Variants in CNTNAP5 observed in about 807,000 individuals in gnomAD.
The protein encoded by CNTNAP5 is contactin associated protein family member 5.
CNTNAP5 carries 72 observed loss-of-function variants against 150.2 expected under a neutral mutation model. The observed-to-expected ratio is 0.48, with a 90% confidence interval of 0.40 to 0.58. The LOEUF is 0.58. CNTNAP5 is among the 20% of genes least tolerant of loss of function. CNTNAP5 has a pLI of 0.00. For synonymous variants in CNTNAP5, 672 were observed against 619.8 expected (o/e 1.08, Z -1.25); for missense variants, 1,636 against 1,626.2 (o/e 1.01, Z -0.10).
chr2:124,831,075 T>C (rs1022304876), intron 19 of CNTNAP5, among the ~76,000 whole-genome samples: 2 of 152,088 alleles, frequency 1.3e-5, no homozygotes, highest in African/African-American at 4.8e-5. Context: ...TTTGTTTTAA[T>C]ATATTTTAAT....
intron 3 of CNTNAP5, among the ~76,000 whole-genome samples, chr2:124,377,447 G>A (rs1363848178): frequency 6.6e-6 from 1 of 152,016 alleles, no homozygotes; most frequent in Non-Finnish European, 1.5e-5. Flanking sequence ...GCTGAGGTGG[G>A]CAGATCACCT....
chr2:124,316,846 A>AAAGAAAAG (rs1326592275), intron 3 of CNTNAP5, among the ~76,000 whole-genome samples: 3 of 151,566 alleles, frequency 2.0e-5, no homozygotes, highest in Non-Finnish European at 4.4e-5. Context: ...AAAAAAAAGA[A>AAAGAAAAG]AAGAAAAGAA....
chr2:124,238,336 T>A (rs1215150125), intron 2 of CNTNAP5, among the ~76,000 whole-genome samples: 1 of 152,110 alleles, frequency 6.6e-6, no homozygotes, highest in African/African-American at 2.4e-5. Context: ...TCATCTAGTG[T>A]GACATCAGGA....
In CNTNAP5 at chr2:124,484,730, T is replaced by TA. The variant is rs1573405342; in HGVS notation, c.1062+9848_1062+9849insA. Among the ~76,000 whole-genome samples the TA allele has an allele frequency of 5.9e-5, 9 of 152,224 alleles. No individual in the cohort carries two copies. The East Asian group carries it at 1.7e-3, about 29-fold the overall frequency. Reference sequence around the variant, plus strand: ...GAAGTACAACACTAAAGGTTATAGATCAGTGATTATTAGTATTTTATAGGG... The same window carrying TA: ...GAAGTACAACACTAAAGGTTATAGATACAGTGATTATTAGTATTTTATAGGG... On this transcript the variant is annotated intron_variant, in intron 7 of 23. Transcript: ENST00000682447.
intron 3 of CNTNAP5, among the ~76,000 whole-genome samples, chr2:124,298,287 C>T (rs539955288): frequency 1.5e-4 from 23 of 152,112 alleles, no homozygotes; most frequent in Non-Finnish European, 2.6e-4. Flanking sequence ...GTTCCCAGAC[C>T]GAACTGAGGG....
intron 13 of CNTNAP5, among the ~76,000 whole-genome samples, chr2:124,656,060 CAA>C (rs35504704): frequency 8.3e-4 from 102 of 123,402 alleles, no homozygotes; most frequent in Non-Finnish European, 8.8e-4. Context: ...GACTTTATCT[CAA>C]AAAAAAAAAA....
chr2:124,659,808 C>G (rs1239624294), intron 13 of CNTNAP5, among the ~76,000 whole-genome samples: 2 of 152,062 alleles, frequency 1.3e-5, no homozygotes, highest in Non-Finnish European at 2.9e-5. Flanking sequence ...TAGGTGAACA[C>G]CTTTCCAGAG....
At chr2:124,671,976 T>C (rs1222170059) in intron 13 of CNTNAP5, among the ~76,000 whole-genome samples, 1 of 152,170 alleles carries the variant, frequency 6.6e-6, no homozygotes, top group Non-Finnish European at 1.5e-5. Flanking sequence ...GCCACCACTT[T>C]AGATATACCC....
intron 13 of CNTNAP5, among the ~76,000 whole-genome samples, chr2:124,698,375 TACACACACACAC>T (rs59897587): frequency 8.8e-5 from 13 of 147,426 alleles, no homozygotes; most frequent in Admixed American, 4.1e-4. Context: ...GACGAGAGGA[TACACACACACAC>T]ACACACACAC....
intron 1 of CNTNAP5, among the ~76,000 whole-genome samples, chr2:124,084,867 ATC>A (rs1289743787): frequency 2.7e-5 from 4 of 149,964 alleles, no homozygotes. Flanking sequence ...CAGTGAAACT[ATC>A]TGTGTCTAGA....
chr2:124,676,404 C>T (rs1225083194), intron 13 of CNTNAP5, among the ~76,000 whole-genome samples: 1 of 152,202 alleles, frequency 6.6e-6, no homozygotes, highest in Non-Finnish European at 1.5e-5. Flanking sequence ...ATTGTCATAC[C>T]ATTCCCCAAT....
intron 19 of CNTNAP5, among the ~76,000 whole-genome samples, chr2:124,811,241 G>A (rs1046620894): frequency 6.6e-6 from 1 of 151,952 alleles, no homozygotes; most frequent in East Asian, 1.9e-4. Context: ...GATAAATCAA[G>A]AAATAACAAC....
At chr2:124,657,686 C>T (rs1192798404) in intron 13 of CNTNAP5, among the ~76,000 whole-genome samples, 3 of 152,204 alleles carry the variant, frequency 2.0e-5, no homozygotes, top group Non-Finnish European at 4.4e-5. Context: ...CAGAGCTCTG[C>T]CAGCCACAGG....
chr2:124,843,531 G>A (rs769698400), intron 19 of CNTNAP5, among the ~76,000 whole-genome samples: 2 of 151,986 alleles, frequency 1.3e-5, no homozygotes, highest in Non-Finnish European at 2.9e-5. Flanking sequence ...TGTAGATACT[G>A]GGATTGCTGA....
chr2:124,685,955 G>C (rs1250088167), intron 13 of CNTNAP5, among the ~76,000 whole-genome samples: 2 of 151,556 alleles, frequency 1.3e-5, no homozygotes, highest in African/African-American at 4.9e-5. Flanking sequence ...ATAAATTTAG[G>C]TCATCTTCAC....
At chr2:124,208,008 A>G (rs1685906619) in intron 1 of CNTNAP5, among the ~76,000 whole-genome samples, 1 of 152,210 alleles carries the variant, frequency 6.6e-6, no homozygotes, top group Admixed American at 6.5e-5. Flanking sequence ...GAGCAAGAAG[A>G]GCATTTTACA....
intron 3 of CNTNAP5, among the ~76,000 whole-genome samples, chr2:124,279,078 G>T (rs1191231177): frequency 6.6e-6 from 1 of 151,956 alleles, no homozygotes; most frequent in Non-Finnish European, 1.5e-5. Context: ...TAACACTAGG[G>T]TGACCTAATA....
At position 124,690,134 on chromosome 2, in the gene CNTNAP5, TA is replaced by T. The variant is rs200636998; in HGVS notation, c.2077+42184del. The stretch of plus-strand genomic sequence containing the variant: ...ATGAATTCTCACTTGGAGTGAAAAG[TA>T]AAAAAAATAAAATCATCTATATCTA... On this transcript the variant is annotated intron_variant, in intron 13 of 23. Coordinates refer to ENST00000682447, the MANE Select transcript of CNTNAP5 (RefSeq NM_001367498.1). Among the ~76,000 whole-genome samples, 530 of 151,870 alleles carry T rather than the reference TA, an allele frequency of 3.5e-3. 1 individual carries two copies. The highest frequency in any genetic ancestry group is 0.012 in the African/African-American group (501 of 41,420).
chr2:124,771,054 G>C (rs904895399), intron 16 of CNTNAP5, among the ~76,000 whole-genome samples: 1 of 152,020 alleles, frequency 6.6e-6, no homozygotes, highest in Non-Finnish European at 1.5e-5. Context: ...AAAAGAATTC[G>C]AGCTCTCAGA....
Sources: allele counts gnomAD v4.1 joint callset (sites outside exome capture counted in the v4.1 genomes callset), GRCh38; gene constraint gnomAD v4.1.1; transcripts MANE v1.5; gene names NCBI Gene and HGNC (gene_info 2026-07-23, HGNC 2026-07-21).